Variants in SPATA6 observed in about 807,000 individuals in gnomAD.
The protein encoded by SPATA6 is spermatogenesis associated 6.
SPATA6 carries 56 observed loss-of-function variants against 65.3 expected under a neutral mutation model. The observed-to-expected ratio is 0.86, with a 90% CI of 0.69 to 1.07. SPATA6 has a LOEUF of 1.07. Ranked by LOEUF, SPATA6 falls within the 50% of genes least tolerant of loss-of-function variation. SPATA6 has a pLI of 0.00. For missense variants in SPATA6, 590 were observed against 594.8 expected, an observed-to-expected ratio of 0.99 and a Z score of 0.08; for synonymous variants, 199 against 213.2, an observed-to-expected ratio of 0.93 and a Z score of 0.58.
chr1:48,442,982 A>T (rs1337550780), intron 3 of SPATA6, among the ~76,000 whole-genome samples: 1 of 152,156 alleles, frequency 6.6e-6, no homozygotes, highest in Non-Finnish European at 1.5e-5. Context: ...CAAAAGTCCA[A>T]CCAGACCTAG....
intron 12 of SPATA6, among the ~76,000 whole-genome samples, chr1:48,302,256 T>G (rs552758808): frequency 1.1e-4 from 16 of 152,326 alleles, no homozygotes; most frequent in Non-Finnish European, 1.8e-4. Flanking sequence ...GGCAGTTTTC[T>G]TACATGGATA....
In SPATA6 at chr1:48,450,221, T is replaced by C. The variant is rs545250398; in HGVS notation, c.238+1331A>G. Among the ~76,000 whole-genome samples, 21 of 149,498 alleles carry C rather than the reference T, an allele frequency of 1.4e-4. No homozygotes were observed. In the South Asian group the frequency reaches 2.1e-3, roughly 15 times the overall value. ...ATAAGGAGAGACCATAAACAAAGTA[T>C]AAAAAGAGATCAGAGAAGAAAGCCA... On this transcript the variant is annotated intron_variant, in intron 3 of 12. Transcript: ENST00000371847.
At chr1:48,264,532 C>T in the SPATA6 span, among the ~76,000 whole-genome samples, 1 of 152,104 alleles carries the variant, frequency 6.6e-6, no homozygotes, top group Non-Finnish European at 1.5e-5. Flanking sequence ...CCCCACCTCC[C>T]GACAGGCCCC....
intron 3 of SPATA6, among the ~76,000 whole-genome samples, chr1:48,450,893 A>G (rs1201046242): frequency 6.6e-6 from 1 of 152,214 alleles, no homozygotes; most frequent in Non-Finnish European, 1.5e-5. Context: ...ACATTTATAC[A>G]TTAGATCAAT....
chr1:48,335,455 G>A (rs1043188420), intron 11 of SPATA6, among the ~76,000 whole-genome samples: 16 of 152,054 alleles, frequency 1.1e-4, no homozygotes, highest in Non-Finnish European at 2.2e-4. Context: ...TAGGCCAATA[G>A]AACAGAAGAG....
intron 8 of SPATA6, 50 bp downstream of exon 8, chr1:48,395,217 A>G: frequency 7.2e-7 from 1 of 1,392,942 alleles, no homozygotes. Context: ...TAAAGGCTTG[A>G]TTGTAGCTCA....
intron 3 of SPATA6, among the ~76,000 whole-genome samples, chr1:48,423,640 C>T (rs1416958901): frequency 2.7e-5 from 4 of 149,612 alleles, no homozygotes; most frequent in African/African-American, 7.4e-5. Flanking sequence ...CTCCACCTCC[C>T]GAATTCAAGT....
chr1:48,404,412 A>G (rs993067023), intron 5 of SPATA6, among the ~76,000 whole-genome samples: 2 of 152,140 alleles, frequency 1.3e-5, no homozygotes, highest in African/African-American at 4.8e-5. Context: ...GTGCCATCAC[A>G]GCTCACTGCA....
At chr1:48,340,639 G>A (rs1197936380) in intron 11 of SPATA6, among the ~76,000 whole-genome samples, 2 of 151,422 alleles carry the variant, frequency 1.3e-5, no homozygotes, top group East Asian at 3.9e-4. Context: ...AAAGTATGAA[G>A]GAGATAAAAA....
chr1:48,328,940 T>G (rs1645840919), intron 11 of SPATA6, among the ~76,000 whole-genome samples: 1 of 152,124 alleles, frequency 6.6e-6, no homozygotes. Flanking sequence ...ATAATAAACA[T>G]GAAATACCTG....
intron 9 of SPATA6, among the ~76,000 whole-genome samples, chr1:48,381,597 A>G (rs1241685555): frequency 1.3e-5 from 2 of 150,508 alleles, no homozygotes; most frequent in African/African-American, 4.9e-5. Context: ...GAAAATAAAT[A>G]GTTTAAGTAA....
intron 3 of SPATA6, among the ~76,000 whole-genome samples, chr1:48,450,906 G>C (rs1298209120): frequency 1.3e-5 from 2 of 152,158 alleles, no homozygotes; most frequent in Non-Finnish European, 2.9e-5. Flanking sequence ...AGATCAATCT[G>C]TTGATCCCAG....
intron 2 of SPATA6, among the ~76,000 whole-genome samples, chr1:48,452,460 T>G (rs985112902): frequency 1.3e-5 from 2 of 151,698 alleles, no homozygotes; most frequent in Non-Finnish European, 2.9e-5. Flanking sequence ...CTCCTCTCAC[T>G]ACAACCTCCA....
chr1:48,387,347 G>A (rs759737713), intron 8 of SPATA6, among the ~76,000 whole-genome samples: 3 of 152,240 alleles, frequency 2.0e-5, no homozygotes, highest in African/African-American at 4.8e-5. Flanking sequence ...CAGCACAAAC[G>A]AGATGCCATT....
intron 11 of SPATA6, among the ~76,000 whole-genome samples, chr1:48,319,702 C>T (rs1328614060): frequency 6.6e-6 from 1 of 152,148 alleles, no homozygotes; most frequent in Non-Finnish European, 1.5e-5. Context: ...CACTGCAGAG[C>T]CCTGTTGACC....
the SPATA6 span, among the ~76,000 whole-genome samples, chr1:48,282,529 T>A: frequency 6.6e-6 from 1 of 152,084 alleles, no homozygotes; most frequent in Admixed American, 6.5e-5. Context: ...GCAAAGGACA[T>A]GAACAGACAC....
chr1:48,357,207 T>G (rs1646685671), intron 10 of SPATA6, among the ~76,000 whole-genome samples: 1 of 152,130 alleles, frequency 6.6e-6, no homozygotes. Flanking sequence ...TATTTCTTGG[T>G]CTAATTTGAG....
chr1:48,380,115 G>A (rs988755654), intron 9 of SPATA6, among the ~76,000 whole-genome samples: 3 of 152,168 alleles, frequency 2.0e-5, no homozygotes, highest in Admixed American at 2.0e-4. Flanking sequence ...GAATTCTCTT[G>A]CCTATGCAAA....
At position 48,296,389 on chromosome 1, in the gene SPATA6, G is replaced by T. The variant is rs1333586649; in HGVS notation, c.*2324C>A. The T allele has an allele frequency of 6.6e-6, 1 of 152,174 alleles. No homozygotes were observed. Among genetic ancestry groups the T allele is most frequent in the Non-Finnish European group, 1.5e-5 (1 of 68,012 alleles). 9.4% of individuals were successfully genotyped at this position (152,174 alleles called of 1,614,324 possible). ...GGAATTTGCCCCCAACTTTCAGAAAGACACTAAATTTAATCCATAGGAAAA... is the reference window on the plus strand; with the variant it reads ...GGAATTTGCCCCCAACTTTCAGAAATACACTAAATTTAATCCATAGGAAAA... On this transcript the variant is annotated 3_prime_UTR_variant, in exon 13 of 13. Coordinates refer to ENST00000371847, the MANE Select transcript of SPATA6 (RefSeq NM_019073.4).
Sources: gnomAD v4.1 joint callset for allele counts (sites outside exome capture counted in the v4.1 genomes callset) on GRCh38, gnomAD v4.1.1 for gene constraint, MANE v1.5 for transcripts, NCBI Gene and HGNC (gene_info 2026-07-23, HGNC 2026-07-21) for gene names.